YEATS2: variants seen among roughly 807,000 people sequenced by gnomAD.
YEATS2 encodes YEATS domain containing 2.
In YEATS2, 77 loss-of-function variants were observed where a neutral mutation model predicts 163.2. That is an observed-to-expected ratio of 0.47 (90% CI 0.39 to 0.57). The LOEUF is 0.57. YEATS2 is among the 20% of genes least tolerant of loss of function. YEATS2 has a pLI of 0.00. For missense variants in YEATS2, 1,549 were observed against 1,729.8 expected, an observed-to-expected ratio of 0.90 and a Z score of 1.85; for synonymous variants, 631 against 645.1, an observed-to-expected ratio of 0.98 and a Z score of 0.33.
chr3:183,797,848 G>T, intron 21 of YEATS2, 75 bp from the exon 22 acceptor site: 1 of 1,585,316 alleles, frequency 6.3e-7, no homozygotes, highest in Non-Finnish European at 8.6e-7. Context: ...GACAAAATAT[G>T]GGTAGCACAG....
At chr3:183,755,728 TC>T (rs1720659167) in intron 11 of YEATS2, among the ~76,000 whole-genome samples, 5 of 132,816 alleles carry the variant, frequency 3.8e-5, no homozygotes, top group Admixed American at 8.3e-5. Context: ...TTACTGATTT[TC>T]TTCCTTCCTT....
chr3:183,763,754 T>C (rs1207949856), intron 15 of YEATS2, among the ~76,000 whole-genome samples: 1 of 152,144 alleles, frequency 6.6e-6, no homozygotes, highest in African/African-American at 2.4e-5. Flanking sequence ...TTGGCAGGTA[T>C]ACTCTAAAGC....
intron 21 of YEATS2, chr3:183,793,156 A>G (rs1009697817): frequency 1.6e-6 from 2 of 1,288,830 alleles, no homozygotes; most frequent in African/African-American, 3.0e-5. Flanking sequence ...GGTCTACCGG[A>G]AAAACTGAAT....
At chr3:183,776,561 G>A (rs1723022102) in intron 18 of YEATS2, among the ~76,000 whole-genome samples, 1 of 152,082 alleles carries the variant, frequency 6.6e-6, no homozygotes, top group Admixed American at 6.6e-5. Context: ...AAAAAACTAT[G>A]TGTTTTTATC....
At chr3:183,702,608 G>A (rs546344565) in intron 1 of YEATS2, among the ~76,000 whole-genome samples, 2 of 152,016 alleles carry the variant, frequency 1.3e-5, no homozygotes, top group African/African-American at 2.4e-5. Flanking sequence ...AGGCTGAGGC[G>A]GGTGGATCAC....
chr3:183,743,678 C>G (rs1338579862), intron 8 of YEATS2, among the ~76,000 whole-genome samples: 1 of 152,044 alleles, frequency 6.6e-6, no homozygotes, highest in African/African-American at 2.4e-5. Flanking sequence ...AAGACCATTT[C>G]TTAGTGTTCC....
chr3:183,723,866 C>T (rs868271191), intron 5 of YEATS2, among the ~76,000 whole-genome samples: 3 of 152,144 alleles, frequency 2.0e-5, no homozygotes, highest in East Asian at 1.9e-4. Flanking sequence ...GAGCCGAGAT[C>T]GTGCCATTGC....
intron 21 of YEATS2, chr3:183,793,598 T>TTTCTTTC: frequency 4.3e-6 from 1 of 233,672 alleles, no homozygotes; most frequent in Non-Finnish European, 6.4e-6. Flanking sequence ...TGTATCACAT[T>TTTCTTTC]TTCTTTCTTT....
chr3:183,761,723 C>T (rs1721372453), intron 14 of YEATS2, 109 bp downstream of exon 14: 1 of 1,010,924 alleles, frequency 9.9e-7, no homozygotes, highest in Non-Finnish European at 1.5e-6. Flanking sequence ...GGTCTCAACT[C>T]CTCATTCTGA....
chr3:183,752,708 CAAAA>C (rs1269458468), intron 10 of YEATS2, among the ~76,000 whole-genome samples: 3 of 59,858 alleles, frequency 5.0e-5, no homozygotes, highest in African/African-American at 6.2e-5. Flanking sequence ...GACTCCATCT[CAAAA>C]AAAAAAAAAA....
At chr3:183,718,455 T>C (rs778477806) in intron 3 of YEATS2, 45 bp from the exon 4 acceptor site, 2 of 1,491,218 alleles carry the variant, frequency 1.3e-6, no homozygotes, top group Non-Finnish European at 1.8e-6. Context: ...ACATCTCTTT[T>C]ATAATTGCCG....
chr3:183,763,286 G>A (rs1721567396), intron 15 of YEATS2, among the ~76,000 whole-genome samples: 2 of 152,240 alleles, frequency 1.3e-5, no homozygotes, highest in East Asian at 3.9e-4. Flanking sequence ...TGTTCCGCAT[G>A]TTACTATTGA....
chr3:183,750,452 G>T (rs960240204), intron 9 of YEATS2, among the ~76,000 whole-genome samples: 1 of 152,194 alleles, frequency 6.6e-6, no homozygotes, highest in South Asian at 2.1e-4. Context: ...ACCCAGAAAT[G>T]GAATTGGCTG....
chr3:183,711,429 C>A (rs189844432), intron 1 of YEATS2, among the ~76,000 whole-genome samples: 18 of 146,838 alleles, frequency 1.2e-4, no homozygotes, highest in Admixed American at 1.1e-3. Context: ...GCTGAGATCG[C>A]GCCACTGCAC....
intron 1 of YEATS2, among the ~76,000 whole-genome samples, chr3:183,701,600 T>C (rs1414264083): frequency 6.6e-6 from 1 of 151,860 alleles, no homozygotes; most frequent in East Asian, 1.9e-4. Flanking sequence ...CCCTATGTTG[T>C]CCAGGCCGGT....
chr3:183,773,952 C>A (rs774188171), intron 17 of YEATS2, among the ~76,000 whole-genome samples, 158 bp downstream of exon 17: 2 of 152,132 alleles, frequency 1.3e-5, no homozygotes, highest in African/African-American at 4.8e-5. Context: ...TTAACACATA[C>A]GATAATTTAA....
chr3:183,713,818 T>G (rs1267635257), intron 1 of YEATS2, among the ~76,000 whole-genome samples: 1 of 152,202 alleles, frequency 6.6e-6, no homozygotes, highest in Non-Finnish European at 1.5e-5. Context: ...GAGCACTAAT[T>G]TTTTTGAGAC....
chr3:183,740,933 A>ATATATT (rs1718888910), intron 8 of YEATS2, among the ~76,000 whole-genome samples: 1 of 151,914 alleles, frequency 6.6e-6, no homozygotes. Flanking sequence ...TGGTGACTTT[A>ATATATT]TTTATTTTTA....
intron 19 of YEATS2, among the ~76,000 whole-genome samples, chr3:183,782,400 C>T (rs536286380): frequency 3.4e-4 from 51 of 151,710 alleles, no homozygotes; most frequent in African/African-American, 1.1e-3. Flanking sequence ...TGAGCCACCG[C>T]GCCTGGCCAA....
Sources: gnomAD v4.1 joint callset for allele counts (sites outside exome capture counted in the v4.1 genomes callset) on GRCh38, gnomAD v4.1.1 for gene constraint, MANE v1.5 for transcripts, NCBI Gene and HGNC (gene_info 2026-07-23, HGNC 2026-07-21) for gene names.